Variants in RFX4 observed in about 807,000 individuals in gnomAD.
RFX4 encodes the protein regulatory factor X4.
In RFX4, 10 loss-of-function variants were observed where a neutral mutation model predicts 95.0. That is an observed-to-expected ratio of 0.11 (90% confidence interval 0.06 to 0.18). The LOEUF (loss-of-function observed/expected upper bound fraction) is 0.18. RFX4 is among the 10% of genes least tolerant of loss of function. RFX4 has a pLI of 1.00. For synonymous variants in RFX4, 321 were observed against 340.7 expected (o/e 0.94, Z 0.64); for missense variants, 640 against 922.0 (o/e 0.69, Z 3.96).
intron 2 of RFX4, among the ~76,000 whole-genome samples, chr12:106,615,640 A>G (rs1163848579): frequency 1.3e-5 from 2 of 152,218 alleles, no homozygotes; most frequent in Non-Finnish European, 2.9e-5. Context: ...TATTTGGATC[A>G]TCTTTAATTT....
intron 4 of RFX4, among the ~76,000 whole-genome samples, chr12:106,680,513 C>T (rs1162252191): frequency 6.6e-6 from 1 of 152,162 alleles, no homozygotes; most frequent in Non-Finnish European, 1.5e-5. Context: ...ATGAGTAAAT[C>T]AATCAGTGAG....
At chr12:106,730,550 T>A (rs2042590155) in intron 13 of RFX4, among the ~76,000 whole-genome samples, 1 of 152,212 alleles carries the variant, frequency 6.6e-6, no homozygotes, top group Non-Finnish European at 1.5e-5. Context: ...CCTCACAGTT[T>A]GTTGTAAGGA....
At chr12:106,750,823 G>C (rs1206446747) in intron 17 of RFX4, 30 bp downstream of exon 17, 1 of 1,505,390 alleles carries the variant, frequency 6.6e-7, no homozygotes, top group Non-Finnish European at 8.9e-7. Context: ...TTCTTGGCCA[G>C]GCCTTGGTAT....
chr12:106,747,617 G>A lies in RFX4; in HGVS notation c.1796+18G>A, dbSNP rs1566005126. 2.5e-6 allele frequency: 4 copies of A among 1,610,822 alleles called. No individual in the cohort carries two copies. Among genetic ancestry groups the A allele is most frequent in the Non-Finnish European group, 3.4e-6 (4 of 1,177,848 alleles). ...GAACATGGGTAGGTAACTTTCCAGG[G>A]ATGCTGCTGGACTTTTAAAATTTGA... is the stretch of plus-strand genomic sequence containing the variant. On this transcript the variant is annotated intron_variant, in intron 16 of 17. Transcript: ENST00000392842.
At chr12:106,746,632 A>C (rs1283899014) in intron 15 of RFX4, among the ~76,000 whole-genome samples, 1 of 152,214 alleles carries the variant, frequency 6.6e-6, no homozygotes, top group Non-Finnish European at 1.5e-5. Flanking sequence ...TATCCAATTA[A>C]ATTAAAAAAT....
chr12:106,732,805 A>G, intron 14 of RFX4, 119 bp from the exon 15 acceptor site: 1 of 956,320 alleles, frequency 1.0e-6, no homozygotes, highest in Non-Finnish European at 1.5e-6. Context: ...GAAACCATCG[A>G]AGAGTTTGAC....
chr12:106,724,150 A>G (rs1215575781), intron 13 of RFX4, among the ~76,000 whole-genome samples: 1 of 152,260 alleles, frequency 6.6e-6, no homozygotes, highest in Non-Finnish European at 1.5e-5. Flanking sequence ...GATTTGCTTA[A>G]CATTAGAGAT....
At chr12:106,699,680 TTGTC>T (rs1451054954) in intron 8 of RFX4, among the ~76,000 whole-genome samples, 5 of 152,322 alleles carry the variant, frequency 3.3e-5, no homozygotes, top group African/African-American at 1.2e-4. Flanking sequence ...GAAGTTTACT[TTGTC>T]TGTTTGTAAT....
At chr12:106,749,955 G>C (rs1171964835) in intron 16 of RFX4, among the ~76,000 whole-genome samples, 1 of 152,128 alleles carries the variant, frequency 6.6e-6, no homozygotes, top group Admixed American at 6.5e-5. Flanking sequence ...ATCTCACAGT[G>C]GTTTGTTTTT....
chr12:106,654,087 C>T (rs2040909153), intron 3 of RFX4, 141 bp from the exon 4 acceptor site: 1 of 1,155,400 alleles, frequency 8.7e-7, no homozygotes, highest in East Asian at 2.4e-5. Context: ...CTTGCTTTGT[C>T]TTCCTGGGCC....
At chr12:106,706,407 G>A (rs1326226567) in intron 8 of RFX4, among the ~76,000 whole-genome samples, 1 of 152,218 alleles carries the variant, frequency 6.6e-6, no homozygotes, top group African/African-American at 2.4e-5. Flanking sequence ...GACTCAGGAA[G>A]CTACTGTAAG....
chr12:106,743,859 T>C (rs1462660189), intron 15 of RFX4, among the ~76,000 whole-genome samples: 1 of 152,234 alleles, frequency 6.6e-6, no homozygotes, highest in African/African-American at 2.4e-5. Flanking sequence ...CTTCAAGGGT[T>C]AATTACTTGC....
At chr12:106,592,650 A>G (rs2137169092) in intron 1 of RFX4, among the ~76,000 whole-genome samples, 1 of 101,708 alleles carries the variant, frequency 9.8e-6, no homozygotes, top group Admixed American at 1.2e-4. Context: ...CAACCCTCTT[A>G]TGTTTTTAGG....
chr12:106,602,113 C>A (rs1037853847), intron 1 of RFX4, among the ~76,000 whole-genome samples: 35 of 152,222 alleles, frequency 2.3e-4, no homozygotes, highest in African/African-American at 8.0e-4. Flanking sequence ...GTCAGGCAGA[C>A]CTGACCTAGC....
chr12:106,666,604 G>T (rs2041182263), intron 4 of RFX4, among the ~76,000 whole-genome samples: 1 of 151,908 alleles, frequency 6.6e-6, no homozygotes, highest in African/African-American at 2.4e-5. Context: ...CGGTTTTTCA[G>T]TCTTTGTTCT....
chr12:106,669,568 GT>G (rs2041241113), intron 4 of RFX4, among the ~76,000 whole-genome samples: 1 of 151,846 alleles, frequency 6.6e-6, no homozygotes, highest in South Asian at 2.1e-4. Context: ...TCTTCTTCTA[GT>G]CCCACCAGTC....
At chr12:106,589,547 A>T (rs1481009143) in intron 1 of RFX4, among the ~76,000 whole-genome samples, 1 of 152,156 alleles carries the variant, frequency 6.6e-6, no homozygotes, top group African/African-American at 2.4e-5. Context: ...TTTTAGGATG[A>T]AAGAGGGTCT....
intron 13 of RFX4, among the ~76,000 whole-genome samples, chr12:106,731,478 A>G (rs561777198): frequency 1.2e-4 from 18 of 152,352 alleles, no homozygotes; most frequent in Admixed American, 2.6e-4. Context: ...ATTCCCTTTT[A>G]CAAAATAATC....
intron 10 of RFX4, among the ~76,000 whole-genome samples, chr12:106,711,734 T>C (rs547929805): frequency 6.6e-6 from 1 of 152,342 alleles, no homozygotes; most frequent in South Asian, 2.1e-4. Context: ...CTTTCAGATA[T>C]GTTCTAAGTC....
Sources: allele counts gnomAD v4.1 joint callset (sites outside exome capture counted in the v4.1 genomes callset), GRCh38; gene constraint gnomAD v4.1.1; transcripts MANE v1.5; gene names NCBI Gene and HGNC (gene_info 2026-07-23, HGNC 2026-07-21).